The following CSTPP1 variants were observed in gnomAD, a reference collection of about 807,000 sequenced individuals.
CSTPP1 encodes UPF0705 protein C11orf49.
the CSTPP1 span, among the ~76,000 whole-genome samples, chr11:47,010,464 T>C: frequency 3.9e-5 from 6 of 152,206 alleles, no homozygotes; most frequent in African/African-American, 1.4e-4. Flanking sequence ...CAGACTGTTG[T>C]GGTGAGACCT....
chr11:47,091,135 T>C, the CSTPP1 span, among the ~76,000 whole-genome samples: 1 of 149,152 alleles, frequency 6.7e-6, no homozygotes, highest in East Asian at 2.0e-4. Context: ...CTCACACCTG[T>C]AATCCCAGCA....
the CSTPP1 span, among the ~76,000 whole-genome samples, chr11:47,021,226 T>C: frequency 6.6e-6 from 1 of 152,218 alleles, no homozygotes; most frequent in Non-Finnish European, 1.5e-5. Flanking sequence ...CTGGTCATTC[T>C]GAAAGCTTCC....
At chr11:47,119,999 G>C in the CSTPP1 span, among the ~76,000 whole-genome samples, 1 of 152,152 alleles carries the variant, frequency 6.6e-6, no homozygotes, top group African/African-American at 2.4e-5. Context: ...AACCAGTGGA[G>C]CTGAGCTATG....
the CSTPP1 span, among the ~76,000 whole-genome samples, chr11:47,129,996 C>T: frequency 6.6e-6 from 1 of 152,116 alleles, no homozygotes; most frequent in Non-Finnish European, 1.5e-5. Context: ...CGGTGGCTCA[C>T]GCCTATAATC....
At chr11:47,161,139 A>T in the CSTPP1 span, 2 of 1,614,158 alleles carry the variant, frequency 1.2e-6, no homozygotes, top group Non-Finnish European at 1.7e-6. Flanking sequence ...GCTTTGCCTG[A>T]CAAGGGGGAT....
the CSTPP1 span, among the ~76,000 whole-genome samples, chr11:47,055,681 G>A: frequency 1.3e-5 from 2 of 152,074 alleles, no homozygotes; most frequent in South Asian, 2.1e-4. Flanking sequence ...TGAATTAGTA[G>A]CAAAGCTAGA....
the CSTPP1 span, among the ~76,000 whole-genome samples, chr11:46,938,774 C>CT: frequency 4.4e-5 from 4 of 90,924 alleles, no homozygotes; most frequent in South Asian, 4.2e-4. Flanking sequence ...TTTTTTTTTT[C>CT]TTCTTCTTTT....
the CSTPP1 span, among the ~76,000 whole-genome samples, chr11:47,140,332 G>A: frequency 6.7e-6 from 1 of 149,900 alleles, no homozygotes; most frequent in Non-Finnish European, 1.5e-5. Context: ...ATTATCTCTT[G>A]TAATTTAAAA....
At chr11:47,041,214 G>T in the CSTPP1 span, 1 of 217,690 alleles carries the variant, frequency 4.6e-6, no homozygotes, top group South Asian at 4.5e-5. Flanking sequence ...AGGATTTTCA[G>T]GGTTGGGGAA....
chr11:47,101,863 A>G, the CSTPP1 span, among the ~76,000 whole-genome samples: 1 of 152,226 alleles, frequency 6.6e-6, no homozygotes, highest in African/African-American at 2.4e-5. Context: ...CATCAGGTCT[A>G]GAAATCCTCA....
At chr11:47,140,301 GA>G in the CSTPP1 span, among the ~76,000 whole-genome samples, 741 of 142,614 alleles carry the variant, frequency 5.2e-3, 10 homozygotes, top group African/African-American at 0.015. Context: ...TTTCTTCACT[GA>G]AAAAAAAAAA....
At chr11:47,090,423 T>C in the CSTPP1 span, among the ~76,000 whole-genome samples, 3 of 152,142 alleles carry the variant, frequency 2.0e-5, no homozygotes, top group African/African-American at 7.2e-5. Context: ...GTTTGTGATA[T>C]AGTTTACAGA....
At chr11:47,121,122 G>A in the CSTPP1 span, among the ~76,000 whole-genome samples, 1 of 151,936 alleles carries the variant, frequency 6.6e-6, no homozygotes, top group African/African-American at 2.4e-5. Context: ...TTGCCTTCAG[G>A]ACCCACTGAA....
chr11:47,043,155 G>C, the CSTPP1 span, among the ~76,000 whole-genome samples: 1 of 152,158 alleles, frequency 6.6e-6, no homozygotes, highest in African/African-American at 2.4e-5. Flanking sequence ...TATACACACA[G>C]TGCAGGAGAC....
chr11:47,097,647 C>T, the CSTPP1 span, among the ~76,000 whole-genome samples: 9 of 89,874 alleles, frequency 1.0e-4, no homozygotes, highest in East Asian at 6.4e-4. Context: ...GTCGGCCCCC[C>T]GCCCGGCCAG....
At chr11:46,962,514 T>A in the CSTPP1 span, among the ~76,000 whole-genome samples, 3 of 152,154 alleles carry the variant, frequency 2.0e-5, no homozygotes, top group South Asian at 6.2e-4. Flanking sequence ...ATATTGTAGG[T>A]CAGTTTGTGG....
the CSTPP1 span, among the ~76,000 whole-genome samples, chr11:46,993,758 G>A: frequency 2.6e-5 from 4 of 152,100 alleles, no homozygotes; most frequent in African/African-American, 9.7e-5. Context: ...TTGGAAATGA[G>A]GGCTCTTTTT....
At chr11:47,132,070 G>C in the CSTPP1 span, among the ~76,000 whole-genome samples, 1 of 152,190 alleles carries the variant, frequency 6.6e-6, no homozygotes, top group Admixed American at 6.5e-5. Context: ...ACAAGCCCAT[G>C]AAGTGTAGTA....
the CSTPP1 span, among the ~76,000 whole-genome samples, chr11:46,999,786 A>G: frequency 1.3e-5 from 2 of 152,184 alleles, no homozygotes; most frequent in African/African-American, 2.4e-5. Flanking sequence ...TTACCTTTAA[A>G]CAGTGATAAA....
Sources: gnomAD v4.1 joint callset for allele counts (sites outside exome capture counted in the v4.1 genomes callset) on GRCh38, gnomAD v4.1.1 for gene constraint, MANE v1.5 for transcripts, NCBI Gene and HGNC (gene_info 2026-07-23, HGNC 2026-07-21) for gene names.